PLCG2: variants seen among roughly 807,000 people sequenced by gnomAD.
The protein encoded by PLCG2 is 1-phosphatidylinositol 4,5-bisphosphate phosphodiesterase gamma-2.
Under a neutral mutation model 175.6 loss-of-function variants are expected in PLCG2, and 69 were observed. That is an observed-to-expected ratio of 0.39 (90% CI 0.32 to 0.48). The LOEUF (loss-of-function observed/expected upper bound fraction) is 0.48, where lower values mean the gene tolerates loss of function less well. Among genes scored for constraint, PLCG2 ranks in the 20% least tolerant of loss-of-function variants. The probability of loss-of-function intolerance (pLI) is 0.91; values close to 1 mark genes in which losing one functional copy is unlikely to be tolerated. For synonymous variants in PLCG2, 827 were observed against 624.0 expected, an observed-to-expected ratio of 1.33 and a Z score of -4.85; for missense variants, 1,798 against 1,650.9, an observed-to-expected ratio of 1.09 and a Z score of -1.54.
At position 81,921,467 on chromosome 16, in the gene PLCG2, C is replaced by T. The variant is rs551788374; in HGVS notation, c.2307+198C>T. 6.4e-5 allele frequency: 40 copies of T among 622,272 alleles called. No individual in the cohort carries two copies. The African/African-American group carries it at 6.6e-4, about 10-fold the overall frequency. The allele number at this position is 622,272 out of a possible 1,614,324, so 38.5% of individuals were successfully genotyped here. A position where few individuals can be genotyped will look rare whatever the true frequency, so the allele number is the denominator to read the frequency against. On this transcript the variant is annotated intron_variant, in intron 21 of 32. Coordinates refer to ENST00000564138, the MANE Select transcript of PLCG2 (RefSeq NM_002661.5). ...TTCAGGGAAAATGTTAATAGAATTC[C>T]ATCCAAATGCAACAGTGTTTTGCTA...
upstream of PLCG2, among the ~76,000 whole-genome samples, chr16:81,776,199 C>A (rs1322658870): frequency 6.6e-6 from 1 of 150,770 alleles, no homozygotes; most frequent in Non-Finnish European, 1.5e-5. Flanking sequence ...AGCTCCACCT[C>A]CTGGGTTCAG....
intron 2 of PLCG2, among the ~76,000 whole-genome samples, chr16:81,853,385 C>A (rs1283590436): frequency 2.0e-5 from 3 of 151,922 alleles, no homozygotes; most frequent in Non-Finnish European, 4.4e-5. Context: ...ACTGGTACAG[C>A]ATCATTTATG....
chr16:81,911,957 C>A (rs1028199117), intron 18 of PLCG2, among the ~76,000 whole-genome samples: 17 of 152,024 alleles, frequency 1.1e-4, no homozygotes, highest in Admixed American at 1.1e-3. Flanking sequence ...GCCACCATGC[C>A]TGGCTAATTT....
chr16:81,810,002 CT>C (rs35028755), intron 2 of PLCG2, among the ~76,000 whole-genome samples: 2 of 147,818 alleles, frequency 1.4e-5, no homozygotes, highest in African/African-American at 2.5e-5. Context: ...TTTTTTTTTT[CT>C]TTTTTTTGAG....
chr16:81,940,311 C>T (rs1910888257), intron 30 of PLCG2, among the ~76,000 whole-genome samples: 2 of 152,146 alleles, frequency 1.3e-5, no homozygotes, highest in African/African-American at 4.8e-5. Context: ...AGTGGATCCT[C>T]AACCTGGCAC....
chr16:81,952,916 C>T lies in PLCG2; in HGVS notation c.3571-3779C>T, dbSNP rs376238851. On this transcript the variant is annotated intron_variant, in intron 31 of 32. Coordinates refer to ENST00000564138, the MANE Select transcript of PLCG2 (RefSeq NM_002661.5). ...AAAGACAAAAATAGCAGCTTTACAG[C>T]GGATAGACCCTGCAGCTACCATCTT... Among the ~76,000 whole-genome samples, 22 of 152,260 alleles carry T rather than the reference C, an allele frequency of 1.4e-4. No individual in the cohort carries two copies. In the East Asian group the frequency reaches 1.5e-3, roughly 11 times the overall value.
At chr16:81,857,507 AGATCAAGATGCTG>A (rs59380456) in intron 3 of PLCG2, among the ~76,000 whole-genome samples, 46,533 of 151,898 alleles carry the variant, frequency 0.31, 7,714 homozygotes, top group South Asian at 0.38. Flanking sequence ...GGGAATGCCA[AGATCAAGATGCTG>A]GATGGTTGAG....
intron 2 of PLCG2, among the ~76,000 whole-genome samples, chr16:81,791,189 C>A (rs181133031): frequency 6.6e-6 from 1 of 152,182 alleles, no homozygotes; most frequent in African/African-American, 2.4e-5. Flanking sequence ...AGATTGTGTG[C>A]TTAGTACCAT....
At chr16:81,940,988 A>C (rs1336140911) in intron 30 of PLCG2, among the ~76,000 whole-genome samples, 23 of 152,212 alleles carry the variant, frequency 1.5e-4, no homozygotes, top group Admixed American at 1.5e-3. Flanking sequence ...TCAAGAGGTC[A>C]CTGTTCCCTT....
In PLCG2 at chr16:81,927,189, C is replaced by T; in HGVS notation, c.2514+11C>T. 5.8e-6 allele frequency: 9 copies of T among 1,550,810 alleles called. No individual in the cohort carries two copies. Among genetic ancestry groups the T allele is most frequent in the Non-Finnish European group, 8.0e-6 (9 of 1,122,260 alleles). ...GAGCTAGAAAAGCAGGTGAGTCCCCCTCTTCGATCCTCTTACAGGAAGAAG... is the reference window on the plus strand; with the variant it reads ...GAGCTAGAAAAGCAGGTGAGTCCCCTTCTTCGATCCTCTTACAGGAAGAAG... On this transcript the variant is annotated intron_variant, in intron 23 of 32. Coordinates refer to ENST00000564138, the MANE Select transcript of PLCG2 (RefSeq NM_002661.5).
intron 2 of PLCG2, among the ~76,000 whole-genome samples, chr16:81,849,712 A>G (rs1031808540): frequency 2.7e-5 from 4 of 146,406 alleles, no homozygotes; most frequent in Non-Finnish European, 4.5e-5. Flanking sequence ...CGGAGGTTGC[A>G]CTGAGCCAAG....
chr16:81,782,593 T>C (rs1379309476), intron 1 of PLCG2, among the ~76,000 whole-genome samples: 2 of 152,184 alleles, frequency 1.3e-5, no homozygotes, highest in African/African-American at 2.4e-5. Context: ...CTGTTTCCAA[T>C]TGCATCTCAT....
Position 81,804,152 on chromosome 16 carries a change from A to G in PLCG2, c.193+17970A>G, listed in dbSNP as rs531679922. Reference sequence around the variant, plus strand: ...GACTGTTTGCCAAAGCAGTTGCACCATTTACTTTCCCACCAGCAATGTATG... The same window carrying G: ...GACTGTTTGCCAAAGCAGTTGCACCGTTTACTTTCCCACCAGCAATGTATG... On this transcript the variant is annotated intron_variant, in intron 2 of 32. Coordinates refer to ENST00000564138, the MANE Select transcript of PLCG2 (RefSeq NM_002661.5). Among the ~76,000 whole-genome samples the G allele has an allele frequency of 9.9e-5, 15 of 152,284 alleles. 1 individual carries two copies. The South Asian group carries it at 2.1e-3, about 21-fold the overall frequency.
chr16:81,818,177 C>T (rs755455638), intron 2 of PLCG2, among the ~76,000 whole-genome samples: 7 of 152,342 alleles, frequency 4.6e-5, no homozygotes, highest in Middle Eastern at 3.4e-3. Context: ...GTTAGGATTG[C>T]TTCGGCCCTC....
At chr16:81,921,545 G>C (rs1910062428) in intron 21 of PLCG2, 1 of 446,150 alleles carries the variant, frequency 2.2e-6, no homozygotes, top group East Asian at 4.8e-5. Context: ...CTAATGAAAA[G>C]TCTTTCAAAT....
At chr16:81,862,609 C>T (rs1209611855) in intron 5 of PLCG2, among the ~76,000 whole-genome samples, 3 of 152,102 alleles carry the variant, frequency 2.0e-5, no homozygotes, top group Non-Finnish European at 2.9e-5. Context: ...GTGGCTGACA[C>T]CTGTAATCCT....
intron 2 of PLCG2, among the ~76,000 whole-genome samples, chr16:81,820,259 A>G (rs1034026336): frequency 4.6e-5 from 7 of 152,182 alleles, no homozygotes; most frequent in African/African-American, 1.7e-4. Flanking sequence ...GACACAGAAC[A>G]CCTTCCATCG....
chr16:81,802,073 C>T (rs1163701048), intron 2 of PLCG2, among the ~76,000 whole-genome samples: 4 of 133,016 alleles, frequency 3.0e-5, no homozygotes, highest in African/African-American at 1.1e-4. Context: ...TAGAAGTTAG[C>T]TCCTTCAGGT....
chr16:81,946,311 G>T, intron 31 of PLCG2, 48 bp downstream of exon 31: 1 of 1,395,094 alleles, frequency 7.2e-7, no homozygotes, highest in Non-Finnish European at 1.0e-6. Context: ...ATGCCTGCTG[G>T]TGAGGGTAGA....
Sources: allele counts gnomAD v4.1 joint callset (sites outside exome capture counted in the v4.1 genomes callset), GRCh38; gene constraint gnomAD v4.1.1; transcripts MANE v1.5; gene names NCBI Gene and HGNC (gene_info 2026-07-23, HGNC 2026-07-21).